SEMA6D: variants seen among roughly 807,000 people sequenced by gnomAD.
SEMA6D encodes the protein semaphorin-6D.
Under a neutral mutation model 106.6 loss-of-function variants are expected in SEMA6D, and 35 were observed. The observed-to-expected ratio is 0.33, with a 90% confidence interval of 0.25 to 0.44. SEMA6D has a LOEUF of 0.44. Ranked by LOEUF, SEMA6D falls within the 20% of genes least tolerant of loss-of-function variation. The pLI is 1.00. For missense variants in SEMA6D, 1,185 were observed against 1,345.9 expected, an observed-to-expected ratio of 0.88 and a Z score of 1.87; for synonymous variants, 499 against 487.7, an observed-to-expected ratio of 1.02 and a Z score of -0.31.
intron 4 of SEMA6D, among the ~76,000 whole-genome samples, chr15:47,602,511 G>A (rs1480302320): frequency 1.3e-5 from 2 of 151,922 alleles, no homozygotes; most frequent in Non-Finnish European, 2.9e-5. Flanking sequence ...GGGCTTGTGG[G>A]GAGAGATTGG....
At chr15:47,187,438 C>T (rs991993172) in intron 1 of SEMA6D, among the ~76,000 whole-genome samples, 3 of 152,060 alleles carry the variant, frequency 2.0e-5, no homozygotes, top group Admixed American at 1.3e-4. Flanking sequence ...TATATTTAAA[C>T]GTACTGTCTT....
At chr15:47,759,564 C>A (rs1049818280) in intron 1 of SEMA6D, among the ~76,000 whole-genome samples, 181 bp from the exon 2 acceptor site, 1 of 152,204 alleles carries the variant, frequency 6.6e-6, no homozygotes, top group African/African-American at 2.4e-5. Context: ...ATGCTTTAAT[C>A]AGGCCTGGCA....
intron 1 of SEMA6D, among the ~76,000 whole-genome samples, chr15:47,734,098 G>A (rs538594438): frequency 6.6e-6 from 1 of 152,302 alleles, no homozygotes; most frequent in South Asian, 2.1e-4. Flanking sequence ...ATTTTCAGAT[G>A]ATGAATTTTA....
At chr15:47,587,843 T>C (rs1330681275) in intron 3 of SEMA6D, among the ~76,000 whole-genome samples, 2 of 151,950 alleles carry the variant, frequency 1.3e-5, no homozygotes, top group Non-Finnish European at 2.9e-5. Context: ...TTTCAGTAAA[T>C]ACTAGAAAGC....
intron 3 of SEMA6D, among the ~76,000 whole-genome samples, chr15:47,510,535 A>C (rs1339108025): frequency 6.6e-6 from 1 of 152,236 alleles, no homozygotes; most frequent in Non-Finnish European, 1.5e-5. Context: ...CAGTCCTTGC[A>C]GAGATAAAGG....
chr15:47,266,635 T>C (rs1326969814), intron 1 of SEMA6D, among the ~76,000 whole-genome samples: 1 of 152,098 alleles, frequency 6.6e-6, no homozygotes, highest in Non-Finnish European at 1.5e-5. Context: ...AGGGAACCCC[T>C]ATTTCTCATC....
chr15:47,739,202 G>C (rs1414142787), intron 1 of SEMA6D, among the ~76,000 whole-genome samples: 1 of 152,130 alleles, frequency 6.6e-6, no homozygotes, highest in African/African-American at 2.4e-5. Context: ...AACACTGAGA[G>C]ATTGTGTTTA....
At chr15:47,201,125 T>C (rs1011853450) in intron 1 of SEMA6D, among the ~76,000 whole-genome samples, 5 of 152,220 alleles carry the variant, frequency 3.3e-5, no homozygotes, top group African/African-American at 1.2e-4. Flanking sequence ...ATATTCAGTC[T>C]TTTAGATTTA....
At chr15:47,517,398 GTGTGTTTA>G (rs1273546419) in intron 3 of SEMA6D, among the ~76,000 whole-genome samples, 1 of 152,086 alleles carries the variant, frequency 6.6e-6, no homozygotes, top group African/African-American at 2.4e-5. Flanking sequence ...GTGTGCGTGT[GTGTGTTTA>G]TATGGGGAAA....
At chr15:47,454,599 G>GCGCACACACACACACACA in intron 2 of SEMA6D, among the ~76,000 whole-genome samples, 1 of 148,990 alleles carries the variant, frequency 6.7e-6, no homozygotes, top group African/African-American at 2.5e-5. Context: ...TTGCACATGT[G>GCGCACACACACACACACA]CACACACACA....
At chr15:47,585,651 C>T (rs1011933102) in intron 3 of SEMA6D, among the ~76,000 whole-genome samples, 1 of 152,154 alleles carries the variant, frequency 6.6e-6, no homozygotes, top group East Asian at 1.9e-4. Context: ...ACTAACTGAT[C>T]TAGGTGCGAG....
intron 1 of SEMA6D, among the ~76,000 whole-genome samples, chr15:47,315,622 A>G (rs1951893119): frequency 6.6e-6 from 1 of 152,152 alleles, no homozygotes. Flanking sequence ...TAGTTTGTCA[A>G]CATCTACAAA....
intron 4 of SEMA6D, among the ~76,000 whole-genome samples, chr15:47,678,767 T>C (rs183533122): frequency 6.6e-6 from 1 of 152,160 alleles, no homozygotes; most frequent in Non-Finnish European, 1.5e-5. Flanking sequence ...TTATTTATAA[T>C]ATTTTATATG....
At chr15:47,545,602 T>C (rs1385876054) in intron 3 of SEMA6D, among the ~76,000 whole-genome samples, 3 of 152,160 alleles carry the variant, frequency 2.0e-5, no homozygotes, top group Non-Finnish European at 4.4e-5. Flanking sequence ...TGCATGTCCA[T>C]TATTGGATTA....
At chr15:47,194,309 A>T (rs749294118) in intron 1 of SEMA6D, among the ~76,000 whole-genome samples, 2 of 152,142 alleles carry the variant, frequency 1.3e-5, no homozygotes, top group Non-Finnish European at 2.9e-5. Flanking sequence ...CTGGTACCTA[A>T]TGTCTTAAAA....
chr15:47,764,705 A>C lies in SEMA6D; in HGVS notation c.1165A>C (p.Thr389Pro), dbSNP rs1293034506. 1.9e-6 allele frequency: 3 copies of C among 1,613,830 alleles called. No homozygotes were observed. Among genetic ancestry groups the C allele is most frequent in the Non-Finnish European group, 2.5e-6 (3 of 1,179,912 alleles). The stretch of plus-strand genomic sequence containing the variant: ...AACCTCCATCGATTTCCCGGATGAA[A>C]CTCTGTCATTCATCAAATCTCATCC... ...YKTSIDFPDE[T>P]LSFIKSHPLM... The change falls in exon 12 of 19, where the codon ACT becomes CCT. Residue 389 changes from threonine (T) to proline (P), a missense_variant. Coordinates refer to ENST00000536845, the MANE Select transcript of SEMA6D (RefSeq NM_001358351.3).
intron 4 of SEMA6D, among the ~76,000 whole-genome samples, chr15:47,641,250 TCA>T (rs2077484021): frequency 3.5e-5 from 1 of 28,572 alleles, no homozygotes; most frequent in Non-Finnish European, 9.1e-5. Context: ...TCTAGAAATA[TCA>T]TGGCTTTAAG....
chr15:47,261,827 ATGT>A (rs894358217), intron 1 of SEMA6D, among the ~76,000 whole-genome samples: 8 of 152,164 alleles, frequency 5.3e-5, no homozygotes, highest in African/African-American at 1.4e-4. Flanking sequence ...AGGTTAATTC[ATGT>A]TGTTGTATGC....
chr15:47,574,794 G>C (rs936059781), intron 3 of SEMA6D, among the ~76,000 whole-genome samples: 7 of 152,112 alleles, frequency 4.6e-5, no homozygotes, highest in African/African-American at 1.7e-4. Context: ...CTTTTGGATA[G>C]AGCCTGATTT....
Sources: allele counts gnomAD v4.1 joint callset (sites outside exome capture counted in the v4.1 genomes callset), GRCh38; gene constraint gnomAD v4.1.1; transcripts MANE v1.5; gene names NCBI Gene and HGNC (gene_info 2026-07-23, HGNC 2026-07-21).